MTMR7: variants seen among roughly 807,000 people sequenced by gnomAD.
MTMR7 encodes the protein phosphatidylinositol-3-phosphate phosphatase MTMR7.
A neutral mutation model predicts 81.2 loss-of-function variants in MTMR7; 76 were observed. That is an observed-to-expected ratio of 0.94 (90% CI 0.78 to 1.13). The LOEUF is 1.13. Among genes scored for constraint, MTMR7 ranks in the 50% most tolerant of loss-of-function variants. The pLI is 0.00. For synonymous variants in MTMR7, 372 were observed against 289.8 expected (o/e 1.28, Z -2.88); for missense variants, 1,044 against 820.0 (o/e 1.27, Z -3.34).
At chr8:17,365,426 G>T (rs17587617) in intron 3 of MTMR7, among the ~76,000 whole-genome samples, 14,631 of 152,210 alleles carry the variant, frequency 0.096, 986 homozygotes, top group Non-Finnish European at 0.15. Context: ...TGAACAGAGA[G>T]AAAATATTTG....
intron 3 of MTMR7, among the ~76,000 whole-genome samples, chr8:17,366,491 G>A (rs1323224731): frequency 6.6e-6 from 1 of 152,142 alleles, no homozygotes; most frequent in Non-Finnish European, 1.5e-5. Context: ...CTTACCAACA[G>A]TCATCAGGAC....
Position 17,297,218 on chromosome 8 carries a change from T to C in MTMR7, c.*2644A>G, listed in dbSNP as rs1270718322. On this transcript the variant is annotated 3_prime_UTR_variant, in exon 14 of 14. Transcript: ENST00000180173. ...TTACTAGGCTAATCAGTGTACGAAT[T>C]TGTCATAGGTAGAGATTTAAAGGTT... The C allele has an allele frequency of 6.6e-6, 1 of 152,118 alleles. No individual in the cohort carries two copies. The highest frequency in any genetic ancestry group is 1.5e-5 in the Non-Finnish European group (1 of 67,970). 9.4% of individuals were successfully genotyped at this position (152,118 alleles called of 1,614,324 possible). A position where few individuals can be genotyped will look rare whatever the true frequency, so the allele number is the denominator to read the frequency against.
rs1214915772 is a variant in MTMR7 at position 17,298,392 on chromosome 8, T to A, written c.*1470A>T. 2 of 152,154 alleles carry A rather than the reference T, an allele frequency of 1.3e-5. No individual in the cohort carries two copies. The highest frequency in any genetic ancestry group is 4.8e-5 in the African/African-American group (2 of 41,470). The allele number at this position is 152,154 out of a possible 1,614,324, so 9.4% of individuals were successfully genotyped here. A position where few individuals can be genotyped will look rare whatever the true frequency, so the allele number is the denominator to read the frequency against. On this transcript the variant is annotated 3_prime_UTR_variant, in exon 14 of 14. Coordinates refer to ENST00000180173, the MANE Select transcript of MTMR7 (RefSeq NM_004686.5). ...GTACTTTTAAATCACAGTTCTCTAA[T>A]ATATTCTATATTTTTAAATATGATG...
At chr8:17,405,424 T>C (rs1430783937) in intron 1 of MTMR7, among the ~76,000 whole-genome samples, 2 of 152,148 alleles carry the variant, frequency 1.3e-5, no homozygotes, top group Non-Finnish European at 2.9e-5. Flanking sequence ...TATGGAGCAG[T>C]CCATATGGAT....
At position 17,357,070 on chromosome 8, in the gene MTMR7, AAAAG is replaced by A. The variant is rs201261239; in HGVS notation, c.468+4043_468+4046del. Among the ~76,000 whole-genome samples the A allele has an allele frequency of 6.6e-3, 1,002 of 152,330 alleles. 4 individuals carry two copies. The highest frequency in any genetic ancestry group is 0.013 in the South Asian group (63 of 4,824). ...AACAAAACACAACCAACAAAAGAAA[AAAAG>A]AAAGAAAGAGGGAAGGATGAGTAAT... On this transcript the variant is annotated intron_variant, in intron 4 of 13. Coordinates refer to ENST00000180173, the MANE Select transcript of MTMR7 (RefSeq NM_004686.5).
At position 17,371,046 on chromosome 8, in the gene MTMR7, C is replaced by T; in HGVS notation, c.301G>A (p.Ala101Thr). ...HDVYISLIRL[A>T]RPVKYEELYC... ...AGTTCCTCTGCCCTACCTGGCCTTG[C>T]AAGGCGTATCAGGGAGATGTACACG... Residue 101 changes from alanine to threonine, a missense_variant, in exon 3 of 14, where the codon GCA (alanine) becomes ACA (threonine). Transcript: ENST00000180173. 2 of 1,612,678 alleles carry T rather than the reference C, an allele frequency of 1.2e-6. No homozygotes were observed. The highest frequency in any genetic ancestry group is 8.5e-7 in the Non-Finnish European group (1 of 1,179,368).
intron 1 of MTMR7, among the ~76,000 whole-genome samples, chr8:17,405,908 T>A (rs139976125): frequency 1.3e-5 from 2 of 151,930 alleles, no homozygotes; most frequent in African/African-American, 2.4e-5. Flanking sequence ...GATTTTCTTT[T>A]AAATTACACT....
rs559812260 is a variant in MTMR7 at position 17,298,652 on chromosome 8, T to G, written c.*1210A>C. ...AATTGTAAAGTTTAATCCTTTTACA[T>G]TCTAGAATGTACTAATATATTAAAA... On this transcript the variant is annotated 3_prime_UTR_variant, in exon 14 of 14. Transcript: ENST00000180173. The G allele has an allele frequency of 6.5e-6, 1 of 152,710 alleles. No homozygotes were observed. Among genetic ancestry groups the G allele is most frequent in the African/African-American group, 2.4e-5 (1 of 41,572 alleles). 9.5% of individuals were successfully genotyped at this position (152,710 alleles called of 1,614,324 possible).
intron 4 of MTMR7, among the ~76,000 whole-genome samples, chr8:17,354,296 G>A (rs1259007547): frequency 1.3e-5 from 2 of 152,200 alleles, no homozygotes; most frequent in Non-Finnish European, 1.5e-5. Context: ...ATAAAATATA[G>A]CTGTGGAGAA....
chr8:17,337,745 A>G (rs1158404086), intron 6 of MTMR7, among the ~76,000 whole-genome samples: 3 of 152,154 alleles, frequency 2.0e-5, no homozygotes, highest in Admixed American at 1.3e-4. Flanking sequence ...CCTCCCAAAT[A>G]GCTGGGACTA....
chr8:17,366,103 C>G (rs1393433388), intron 3 of MTMR7, among the ~76,000 whole-genome samples: 3 of 152,186 alleles, frequency 2.0e-5, no homozygotes, highest in Admixed American at 6.5e-5. Flanking sequence ...ATAGAAAATG[C>G]AAGACATCAG....
chr8:17,374,697 C>T (rs1292886622), intron 1 of MTMR7, among the ~76,000 whole-genome samples: 2 of 152,090 alleles, frequency 1.3e-5, no homozygotes, highest in Non-Finnish European at 2.9e-5. Flanking sequence ...CCTGCAATCC[C>T]AGCTACTCGG....
intron 3 of MTMR7, among the ~76,000 whole-genome samples, chr8:17,370,513 C>G (rs925262764): frequency 7.1e-6 from 1 of 140,240 alleles, no homozygotes; most frequent in Non-Finnish European, 1.5e-5. Flanking sequence ...TGAGATTGCA[C>G]CACTGCACTT....
chr8:17,330,310 C>T (rs556874051), intron 7 of MTMR7, among the ~76,000 whole-genome samples: 22 of 152,314 alleles, frequency 1.4e-4, no homozygotes, highest in Admixed American at 3.9e-4. Flanking sequence ...TCCCGGGCTC[C>T]CAGCTCCAGC....
chr8:17,330,927 G>A (rs1296083730), intron 7 of MTMR7, among the ~76,000 whole-genome samples: 1 of 152,178 alleles, frequency 6.6e-6, no homozygotes. Context: ...CAGTACCATT[G>A]TAGAGTCCCT....
chr8:17,369,329 A>C (rs1820334625), intron 3 of MTMR7, among the ~76,000 whole-genome samples: 1 of 152,240 alleles, frequency 6.6e-6, no homozygotes, highest in South Asian at 2.1e-4. Flanking sequence ...TTTAAAGAGT[A>C]ACAGTGCAAA....
chr8:17,356,164 C>T (rs1563355064), intron 4 of MTMR7, among the ~76,000 whole-genome samples: 1 of 152,128 alleles, frequency 6.6e-6, no homozygotes, highest in Non-Finnish European at 1.5e-5. Context: ...ACTATATTCA[C>T]CATATTGTGT....
intron 3 of MTMR7, among the ~76,000 whole-genome samples, chr8:17,363,034 A>C (rs187248671): frequency 3.6e-4 from 55 of 152,384 alleles, no homozygotes; most frequent in Non-Finnish European, 6.2e-4. Context: ...TCTAAACTTC[A>C]AAACTTAGAG....
At chr8:17,397,343 G>T (rs1005351686) in intron 1 of MTMR7, among the ~76,000 whole-genome samples, 2 of 152,124 alleles carry the variant, frequency 1.3e-5, no homozygotes, top group East Asian at 3.9e-4. Context: ...GGAGCTCAAT[G>T]CCCTGAAGGG....
Sources: allele counts gnomAD v4.1 joint callset (sites outside exome capture counted in the v4.1 genomes callset), GRCh38; gene constraint gnomAD v4.1.1; transcripts MANE v1.5; gene names NCBI Gene and HGNC (gene_info 2026-07-23, HGNC 2026-07-21).